DSCAM: variants seen among roughly 807,000 people sequenced by gnomAD.
DSCAM encodes the protein cell adhesion molecule DSCAM.
A neutral mutation model predicts 217.7 loss-of-function variants in DSCAM; 47 were observed. The ratio of observed to expected loss-of-function variants is 0.22; its 90% CI spans 0.17 to 0.28. The LOEUF (loss-of-function observed/expected upper bound fraction) is 0.28. Among genes scored for constraint, DSCAM ranks in the 10% least tolerant of loss-of-function variants. The pLI, the probability that DSCAM is intolerant of heterozygous loss-of-function variation, is 1.00. For synonymous variants in DSCAM, 1,056 were observed against 1,015.3 expected, an observed-to-expected ratio of 1.04 and a Z score of -0.76; for missense variants, 2,080 against 2,618.3, an observed-to-expected ratio of 0.79 and a Z score of 4.49.
At position 40,599,933 on chromosome 21, in the gene DSCAM, A is replaced by G. The variant is rs1313304568; in HGVS notation, c.508+92877T>C. Among the ~76,000 whole-genome samples, 5 of 152,208 alleles carry G rather than the reference A, an allele frequency of 3.3e-5. No homozygotes were observed. In the East Asian group the frequency reaches 7.7e-4, roughly 23 times the overall value. On this transcript the variant is annotated intron_variant, in intron 3 of 32. Transcript: ENST00000400454. ...AGAAGTCAAATCTCTGGATAGACCA[A>G]TAACAAGTTCTGAAATTGAGGCAGT...
intron 11 of DSCAM, among the ~76,000 whole-genome samples, chr21:40,222,837 A>G (rs1441993587): frequency 6.6e-6 from 1 of 152,350 alleles, no homozygotes; most frequent in Non-Finnish European, 1.5e-5. Context: ...AAGTGGTCCT[A>G]GGATCAAAAA....
At chr21:40,060,831 T>C (rs1174537349) in intron 28 of DSCAM, among the ~76,000 whole-genome samples, 3 of 152,232 alleles carry the variant, frequency 2.0e-5, no homozygotes, top group Non-Finnish European at 2.9e-5. Context: ...CTGACTTCTT[T>C]GTTTTCCAGC....
chr21:40,638,035 A>G (rs2089830130), intron 3 of DSCAM, among the ~76,000 whole-genome samples: 1 of 152,136 alleles, frequency 6.6e-6, no homozygotes. Context: ...AAATGATATC[A>G]GCATTTTAGG....
intron 3 of DSCAM, among the ~76,000 whole-genome samples, chr21:40,654,774 C>G (rs1399414183): frequency 6.6e-6 from 1 of 152,192 alleles, no homozygotes; most frequent in African/African-American, 2.4e-5. Flanking sequence ...TTGAACAACA[C>G]CGGGCCCATC....
intron 1 of DSCAM, among the ~76,000 whole-genome samples, chr21:40,834,346 G>T (rs1179027285): frequency 1.3e-5 from 2 of 150,924 alleles, no homozygotes; most frequent in Non-Finnish European, 1.5e-5. Flanking sequence ...GGCTGAGCTT[G>T]CAGTGAGCAG....
At chr21:40,259,352 G>A (rs2073417124) in intron 11 of DSCAM, among the ~76,000 whole-genome samples, 1 of 151,506 alleles carries the variant, frequency 6.6e-6, no homozygotes. Flanking sequence ...CTTTTCTCTG[G>A]TTATACCATC....
intron 3 of DSCAM, among the ~76,000 whole-genome samples, chr21:40,591,476 A>G (rs1218200205): frequency 6.6e-6 from 1 of 152,196 alleles, no homozygotes; most frequent in African/African-American, 2.4e-5. Context: ...ATATAAGTAA[A>G]GAGGAAAATT....
At chr21:40,814,559 C>T (rs1242450666) in intron 1 of DSCAM, among the ~76,000 whole-genome samples, 1 of 152,212 alleles carries the variant, frequency 6.6e-6, no homozygotes, top group Admixed American at 6.5e-5. Flanking sequence ...AGCTGTCTGT[C>T]TCTACCGTGG....
At chr21:40,768,839 T>C (rs2091419241) in intron 1 of DSCAM, among the ~76,000 whole-genome samples, 1 of 152,110 alleles carries the variant, frequency 6.6e-6, no homozygotes. Flanking sequence ...ACCTCGGATA[T>C]AGCATAGGGG....
Position 40,083,996 on chromosome 21 carries a change from A to T in DSCAM, c.4143T>A (p.Asp1381Glu). Reference protein sequence around the residue: ...ILNLQVQVPPDQPRLTVSKTT... With the variant: ...ILNLQVQVPPEQPRLTVSKTT... ...TCTTGGAGACTGTAAGCCGAGGCTGATCTGGTGGAACTGGAGAGGAAACAG... is the reference window on the plus strand; with the variant it reads ...TCTTGGAGACTGTAAGCCGAGGCTGTTCTGGTGGAACTGGAGAGGAAACAG... The change falls in exon 24 of 33, where the codon GAT becomes GAA. Residue 1381 changes from aspartate (D) to glutamate (E), a missense_variant. Transcript: ENST00000400454. The T allele has an allele frequency of 6.2e-7, 1 of 1,612,896 alleles. No homozygotes were observed. Among genetic ancestry groups the T allele is most frequent in the Non-Finnish European group, 8.5e-7 (1 of 1,179,614 alleles).
At chr21:40,768,791 A>G (rs920053562) in intron 1 of DSCAM, among the ~76,000 whole-genome samples, 10 of 152,208 alleles carry the variant, frequency 6.6e-5, no homozygotes, top group Admixed American at 2.0e-4. Flanking sequence ...GTTAGAAACA[A>G]AAGCCAGTAG....
intron 3 of DSCAM, among the ~76,000 whole-genome samples, chr21:40,481,414 C>T (rs1031553338): frequency 2.7e-5 from 4 of 150,538 alleles, no homozygotes; most frequent in South Asian, 2.1e-4. Flanking sequence ...GGCATGAACC[C>T]GGGAGGCAAA....
intron 1 of DSCAM, among the ~76,000 whole-genome samples, chr21:40,782,573 C>G (rs534598108): frequency 6.6e-6 from 1 of 151,774 alleles, no homozygotes; most frequent in African/African-American, 2.4e-5. Flanking sequence ...ACAAAGAATG[C>G]AAAAAATTAG....
intron 16 of DSCAM, among the ~76,000 whole-genome samples, chr21:40,157,976 G>T (rs1454055290): frequency 6.6e-6 from 1 of 152,176 alleles, no homozygotes; most frequent in Non-Finnish European, 1.5e-5. Context: ...TTATAGGTGT[G>T]AGCCACCATG....
chr21:40,097,316 G>T lies in DSCAM; in HGVS notation c.3697-3442C>A, dbSNP rs117149765. On this transcript the variant is annotated intron_variant, in intron 20 of 32. Coordinates refer to ENST00000400454, the MANE Select transcript of DSCAM (RefSeq NM_001389.5). ...TACTATATGCAAAGTGTGTAATACCGCTTGAAAGTACACTAAGATGTTAAA... is the reference window on the plus strand; with the variant it reads ...TACTATATGCAAAGTGTGTAATACCTCTTGAAAGTACACTAAGATGTTAAA... Among the ~76,000 whole-genome samples the T allele has an allele frequency of 6.3e-3, 952 of 152,164 alleles. 4 individuals carry two copies. Among genetic ancestry groups the T allele is most frequent in the Middle Eastern group, 0.02 (6 of 294 alleles).
intron 9 of DSCAM, among the ~76,000 whole-genome samples, chr21:40,306,246 C>G (rs558054279): frequency 0.039 from 5,608 of 143,666 alleles, 1,137 homozygotes; most frequent in African/African-American, 0.15. Flanking sequence ...CTCTGTTTGT[C>G]TGTTATTGGT....
In DSCAM at chr21:40,036,831, C is replaced by A. The variant is rs912545536; in HGVS notation, c.5686+5540G>T. ...AGCTTATCCACCATGATCAAGTGGG[C>A]TTCATCCCTGGGATGCAAGGCTGGT... On this transcript the variant is annotated intron_variant, in intron 32 of 32. Transcript: ENST00000400454. Among the ~76,000 whole-genome samples, 7 of 148,948 alleles carry A rather than the reference C, an allele frequency of 4.7e-5. 1 individual carries two copies. Among genetic ancestry groups the A allele is most frequent in the African/African-American group, 1.8e-4 (7 of 38,770 alleles).
chr21:40,833,525 TAGCATA>T (rs755250596), intron 1 of DSCAM, among the ~76,000 whole-genome samples: 5 of 152,180 alleles, frequency 3.3e-5, no homozygotes, highest in Non-Finnish European at 4.4e-5. Context: ...AAACACTAAT[TAGCATA>T]ATTGCTTGAG....
chr21:40,484,765 G>GA (rs2076010817), intron 3 of DSCAM, among the ~76,000 whole-genome samples: 6 of 152,130 alleles, frequency 3.9e-5, no homozygotes, highest in African/African-American at 1.4e-4. Flanking sequence ...GTCTGCTGTG[G>GA]TTACCTGTTT....
Sources: gnomAD v4.1 joint callset for allele counts (sites outside exome capture counted in the v4.1 genomes callset) on GRCh38, gnomAD v4.1.1 for gene constraint, MANE v1.5 for transcripts, NCBI Gene and HGNC (gene_info 2026-07-23, HGNC 2026-07-21) for gene names.